The following ABCB5 variants were observed in gnomAD, a reference collection of about 807,000 sequenced individuals.
The protein encoded by ABCB5 is ATP-binding cassette sub-family B member 5.
A neutral mutation model predicts 144.2 loss-of-function variants in ABCB5; 155 were observed. That is an observed-to-expected ratio of 1.08 (90% CI 0.94 to 1.23). ABCB5 has a LOEUF of 1.23. ABCB5 is among the 50% of genes most tolerant of loss of function. The pLI is 0.00. For missense variants in ABCB5, 1,830 were observed against 1,520.8 expected (o/e 1.20, Z -3.38); for synonymous variants, 610 against 528.6 (o/e 1.15, Z -2.11).
chr7:20,692,686 G>A (rs1212758309), intron 16 of ABCB5, among the ~76,000 whole-genome samples: 1 of 151,704 alleles, frequency 6.6e-6, no homozygotes. Flanking sequence ...TTTAAGACAA[G>A]TATTAGTAAA....
chr7:20,688,495 A>G lies in ABCB5; in HGVS notation c.2010+2659A>G, dbSNP rs538902194. The stretch of plus-strand genomic sequence containing the variant: ...CAGGTGCTGGAGAGGATGTGGAGAA[A>G]TAGGAACACTTTTACACTGCTGGTG... On this transcript the variant is annotated intron_variant, in intron 16 of 27. Transcript: ENST00000404938. Among the ~76,000 whole-genome samples, 254 of 152,334 alleles carry G rather than the reference A, an allele frequency of 1.7e-3. 1 individual carries two copies. Among genetic ancestry groups the G allele is most frequent in the African/African-American group, 5.9e-3 (245 of 41,578 alleles).
At chr7:20,667,802 G>C (rs965667349) in intron 14 of ABCB5, among the ~76,000 whole-genome samples, 2 of 148,428 alleles carry the variant, frequency 1.3e-5, no homozygotes, top group South Asian at 2.2e-4. Context: ...CTGCCATCTC[G>C]GCTCACTGCA....
At chr7:20,698,595 G>A in intron 17 of ABCB5, 45 bp downstream of exon 17, 1 of 1,532,324 alleles carries the variant, frequency 6.5e-7, no homozygotes, top group Non-Finnish European at 8.8e-7. Flanking sequence ...TTTAAAGAAA[G>A]TATGACCTGA....
At chr7:20,654,561 C>A (rs970552944) in intron 13 of ABCB5, among the ~76,000 whole-genome samples, 1 of 152,134 alleles carries the variant, frequency 6.6e-6, no homozygotes, top group Admixed American at 6.5e-5. Context: ...CAAGTGCACA[C>A]GCAACATTCT....
At chr7:20,734,592 C>A (rs954918767) in intron 23 of ABCB5, among the ~76,000 whole-genome samples, 3 of 151,436 alleles carry the variant, frequency 2.0e-5, no homozygotes, top group Non-Finnish European at 1.5e-5. Context: ...CAGCAAAATT[C>A]TTTAATGTGC....
rs1784331505 is a variant in ABCB5, at chr7:20,643,248, T to C, written c.379T>C (p.Leu127=). 6.2e-7 allele frequency: 1 copy of C among 1,613,736 alleles called. No homozygotes were observed. The highest frequency in any genetic ancestry group is 1.7e-5 in the Admixed American group (1 of 59,948). Residue 127 remains leucine, a synonymous_variant, in exon 6 of 28, where the codon TTG becomes CTG. Coordinates refer to ENST00000404938, the MANE Select transcript of ABCB5 (RefSeq NM_001163941.2). ...ALIFGYIQIS[L]WIITAARQTK... ...GATTTTTGGTTACATACAGATTTCC[T>C]TGTGGATTATAACTGCAGCACGACA...
intron 16 of ABCB5, among the ~76,000 whole-genome samples, chr7:20,692,428 T>C (rs914475125): frequency 1.3e-5 from 2 of 151,670 alleles, no homozygotes; most frequent in Non-Finnish European, 2.9e-5. Flanking sequence ...TCAGACATTT[T>C]CAGAAATTAA....
At position 20,628,815 on chromosome 7, in the gene ABCB5, G is replaced by T. The variant is rs757262393; in HGVS notation, c.236G>T (p.Gly79Val). 3 of 1,613,670 alleles carry T rather than the reference G, an allele frequency of 1.9e-6. No individual in the cohort carries two copies. The highest frequency in any genetic ancestry group is 3.3e-5 in the Admixed American group (2 of 59,938). ...LGEMSDNLISGCLVQTNTTNY... is the reference protein window; with the variant it reads ...LGEMSDNLISVCLVQTNTTNY... ...GAAATGAGTGATAACCTTATTAGTG[G>T]ATGTCTAGTCCAAACTAACACAAGT... The change falls in exon 4 of 28, where the codon GGA becomes GTA. Residue 79 changes from glycine (G) to valine (V), a missense_variant. Transcript: ENST00000404938.
intron 5 of ABCB5, among the ~76,000 whole-genome samples, chr7:20,642,582 T>C (rs575268573): frequency 1.3e-5 from 2 of 152,284 alleles, no homozygotes; most frequent in South Asian, 4.1e-4. Flanking sequence ...GGACTTATTA[T>C]CTTGCTCATG....
Position 20,651,292 on chromosome 7 carries a change from C to T in ABCB5, c.1333-128C>T, listed in dbSNP as rs1046563274. On this transcript the variant is annotated intron_variant, in intron 12 of 27. Coordinates refer to ENST00000404938, the MANE Select transcript of ABCB5 (RefSeq NM_001163941.2). ...AATATATATGTTAGAAATATTTTATCAAAATATAGTCAGTCTTTGATTTCT... is the reference window on the plus strand; with the variant it reads ...AATATATATGTTAGAAATATTTTATTAAAATATAGTCAGTCTTTGATTTCT... 9 of 826,402 alleles carry T rather than the reference C, an allele frequency of 1.1e-5. No individual in the cohort carries two copies. In the African/African-American group the frequency reaches 1.2e-4, roughly 11 times the overall value. The allele number at this position is 826,402 out of a possible 1,614,324, so 51.2% of individuals were successfully genotyped here.
chr7:20,747,363 C>T (rs1444011857), intron 26 of ABCB5, among the ~76,000 whole-genome samples: 2 of 152,166 alleles, frequency 1.3e-5, no homozygotes, highest in Non-Finnish European at 2.9e-5. Context: ...CTCGACCTCC[C>T]AGGCTCACCT....
intron 14 of ABCB5, among the ~76,000 whole-genome samples, chr7:20,676,161 T>TAC (rs775236941): frequency 4.7e-4 from 45 of 95,860 alleles, no homozygotes; most frequent in South Asian, 3.7e-3. Context: ...GCAATTCTAC[T>TAC]ACACATACAC....
At chr7:20,667,807 A>C (rs1165215456) in intron 14 of ABCB5, among the ~76,000 whole-genome samples, 5 of 148,502 alleles carry the variant, frequency 3.4e-5, no homozygotes, top group Non-Finnish European at 1.5e-5. Flanking sequence ...ATCTCGGCTC[A>C]CTGCAACCTC....
At chr7:20,655,872 C>T (rs1002605356) in intron 13 of ABCB5, among the ~76,000 whole-genome samples, 1 of 152,090 alleles carries the variant, frequency 6.6e-6, no homozygotes, top group African/African-American at 2.4e-5. Flanking sequence ...GAAAGAAAGA[C>T]CAAAGCTGGA....
intron 24 of ABCB5, among the ~76,000 whole-genome samples, chr7:20,741,791 C>T (rs62453391): frequency 0.24 from 36,809 of 151,734 alleles, 4,694 homozygotes; most frequent in Non-Finnish European, 0.29. Context: ...CACACACATG[C>T]ACACACACAC....
intron 5 of ABCB5, among the ~76,000 whole-genome samples, chr7:20,635,545 G>T (rs1784139241): frequency 6.6e-6 from 1 of 152,044 alleles, no homozygotes; most frequent in Non-Finnish European, 1.5e-5. Flanking sequence ...CATGAGCATG[G>T]AATGTTTTCC....
In ABCB5 at chr7:20,743,149, T is replaced by C. The variant is rs1456209644; in HGVS notation, c.3222+75T>C. Reference sequence around the variant, plus strand: ...TTAAACATTCACTAGGGCTTAAGCATCCCCACTGGTTTGGGTGGGGCAAAC... The same window carrying C: ...TTAAACATTCACTAGGGCTTAAGCACCCCCACTGGTTTGGGTGGGGCAAAC... On this transcript the variant is annotated intron_variant, in intron 25 of 27. Transcript: ENST00000404938. 4 of 1,500,546 alleles carry C rather than the reference T, an allele frequency of 2.7e-6. No individual in the cohort carries two copies. The Admixed American group carries it at 5.7e-5, about 21-fold the overall frequency. 93.0% of individuals were successfully genotyped at this position (1,500,546 alleles called of 1,614,324 possible).
intron 16 of ABCB5, among the ~76,000 whole-genome samples, chr7:20,686,530 T>C (rs1786006760): frequency 6.6e-6 from 1 of 152,128 alleles, no homozygotes; most frequent in African/African-American, 2.4e-5. Flanking sequence ...AGCACCCTTT[T>C]ACAACACACC....
chr7:20,638,551 C>T (rs1183518349), intron 5 of ABCB5, among the ~76,000 whole-genome samples: 1 of 152,174 alleles, frequency 6.6e-6, no homozygotes, highest in African/African-American at 2.4e-5. Flanking sequence ...TCCTTATCTG[C>T]TTTTCATCTC....
Sources: gnomAD v4.1 joint callset for allele counts (sites outside exome capture counted in the v4.1 genomes callset) on GRCh38, gnomAD v4.1.1 for gene constraint, MANE v1.5 for transcripts, NCBI Gene and HGNC (gene_info 2026-07-23, HGNC 2026-07-21) for gene names.